The following GLP2R variants were observed in gnomAD, a reference collection of about 807,000 sequenced individuals.
The protein encoded by GLP2R is glucagon-like peptide 2 receptor.
In GLP2R, 59 loss-of-function variants were observed where a neutral mutation model predicts 68.2. That is an observed-to-expected ratio of 0.87 (90% CI 0.70 to 1.07). The LOEUF (loss-of-function observed/expected upper bound fraction) is 1.07, where lower values mean the gene tolerates loss of function less well. Among genes scored for constraint, GLP2R ranks in the 50% least tolerant of loss-of-function variants. The pLI, the probability that GLP2R is intolerant of heterozygous loss-of-function variation, is 0.00. For missense variants in GLP2R, 548 were observed against 677.4 expected (o/e 0.81, Z 2.12); for synonymous variants, 270 against 265.4 (o/e 1.02, Z -0.17).
chr17:9,876,526 C>G (rs1287194702), intron 10 of GLP2R, among the ~76,000 whole-genome samples: 1 of 152,188 alleles, frequency 6.6e-6, no homozygotes, highest in East Asian at 1.9e-4. Flanking sequence ...TGTACAGATT[C>G]TTGTGTCATT....
chr17:9,844,092 G>C (rs557760646), intron 4 of GLP2R, among the ~76,000 whole-genome samples: 9 of 152,288 alleles, frequency 5.9e-5, no homozygotes, highest in Non-Finnish European at 1.0e-4. Context: ...GAGAGCAAAA[G>C]GGAGAAACAC....
At chr17:9,881,377 C>CTTTTTTT in intron 11 of GLP2R, among the ~76,000 whole-genome samples, 1 of 97,954 alleles carries the variant, frequency 1.0e-5, no homozygotes, top group Non-Finnish European at 2.2e-5. Context: ...AGCTGTCAGG[C>CTTTTTTT]CTTTTTTTTT....
intron 3 of GLP2R, among the ~76,000 whole-genome samples, chr17:9,839,283 A>G (rs1339777539): frequency 6.6e-6 from 1 of 152,106 alleles, no homozygotes; most frequent in African/African-American, 2.4e-5. Context: ...GGGCAGAGAG[A>G]AGGAGAAAGA....
At chr17:9,826,355 A>C (rs1338501055) in intron 1 of GLP2R, 103 bp downstream of exon 1, 9 of 738,536 alleles carry the variant, frequency 1.2e-5, no homozygotes, top group Non-Finnish European at 1.9e-5. Context: ...AAGAGAAAAC[A>C]GTATTAAGAA....
intron 10 of GLP2R, among the ~76,000 whole-genome samples, chr17:9,872,328 G>A (rs1485001805): frequency 1.3e-5 from 2 of 152,154 alleles, no homozygotes; most frequent in Non-Finnish European, 2.9e-5. Context: ...TGTAATCCCA[G>A]TACTTTGGGA....
chr17:9,873,197 G>C (rs142633398), intron 10 of GLP2R, among the ~76,000 whole-genome samples: 23 of 152,296 alleles, frequency 1.5e-4, no homozygotes, highest in African/African-American at 5.5e-4. Context: ...AGGAAAACCA[G>C]GGTGCCCCAG....
At chr17:9,832,598 G>T (rs1268527255) in intron 1 of GLP2R, among the ~76,000 whole-genome samples, 1 of 152,092 alleles carries the variant, frequency 6.6e-6, no homozygotes, top group Admixed American at 6.5e-5. Context: ...GAGCATGGGG[G>T]CATGTGCCTG....
At chr17:9,854,434 TG>T in intron 4 of GLP2R, 60 bp from the exon 5 acceptor site, 1 of 981,140 alleles carries the variant, frequency 1.0e-6, no homozygotes, top group Non-Finnish European at 1.7e-6. Context: ...GGTGTGGAGC[TG>T]GGGGTTGTGG....
chr17:9,880,583 G>A, intron 11 of GLP2R, 67 bp downstream of exon 11: 3 of 1,135,972 alleles, frequency 2.6e-6, no homozygotes, highest in Non-Finnish European at 1.3e-6. Context: ...GCCGAAACAG[G>A]CTCAGAATTA....
At chr17:9,844,347 G>A (rs2066816369) in intron 4 of GLP2R, among the ~76,000 whole-genome samples, 1 of 152,168 alleles carries the variant, frequency 6.6e-6, no homozygotes, top group Admixed American at 6.5e-5. Flanking sequence ...CAACACATGA[G>A]TTAGTTATGG....
chr17:9,838,095 G>C (rs1267827092), intron 3 of GLP2R, among the ~76,000 whole-genome samples: 1 of 152,178 alleles, frequency 6.6e-6, no homozygotes, highest in Non-Finnish European at 1.5e-5. Context: ...ATTTTAGGGA[G>C]GGTGGAAGAG....
chr17:9,873,653 T>C (rs79705409), intron 10 of GLP2R, among the ~76,000 whole-genome samples: 30,154 of 143,404 alleles, frequency 0.21, 4,040 homozygotes, highest in Non-Finnish European at 0.3. Context: ...CCAACGGGGC[T>C]CAGGGAAGCC....
rs2066905285 is a variant in GLP2R at position 9,852,961 on chromosome 17, TAAG to T, written c.505-1533_505-1531del. 437 of 487,058 alleles carry T rather than the reference TAAG, an allele frequency of 9.0e-4. 4 individuals are homozygous for T. Among genetic ancestry groups the T allele is most frequent in the South Asian group, 8.1e-3 (427 of 53,036 alleles). The allele number at this position is 487,058 out of a possible 1,614,324, so 30.2% of individuals were successfully genotyped here. A position where few individuals can be genotyped will look rare whatever the true frequency, so the allele number is the denominator to read the frequency against. On this transcript the variant is annotated intron_variant, in intron 4 of 12. Transcript: ENST00000262441. The stretch of plus-strand genomic sequence containing the variant: ...TTCATCTTCTGACTCTGCATCTTCC[TAAG>T]TGCTGTCCACTAATAGGCATCTGCT...
chr17:9,833,763 T>G, intron 1 of GLP2R, 44 bp from the exon 2 acceptor site: 1 of 1,213,104 alleles, frequency 8.2e-7, no homozygotes, highest in Non-Finnish European at 1.2e-6. Flanking sequence ...CAAGGCCACA[T>G]CTGTGCTTGG....
rs16958920 is a variant in GLP2R at position 9,891,821 on chromosome 17, A to G, written c.*2116A>G. The stretch of plus-strand genomic sequence containing the variant: ...TCGGCTCATCAGCCAATTAGCTCCT[A>G]GAAAGCTGGGGTCATCTCGTATTCC... On this transcript the variant is annotated 3_prime_UTR_variant, in exon 13 of 13. Transcript: ENST00000262441. 0.026 allele frequency: 4,024 copies of G among 152,302 alleles called. 147 individuals are homozygous for G. Among genetic ancestry groups the G allele is most frequent in the East Asian group, 0.15 (795 of 5,170 alleles). The allele number at this position is 152,302 out of a possible 1,614,324, so 9.4% of individuals were successfully genotyped here.
chr17:9,861,827 G>A (rs367702933), intron 8 of GLP2R, among the ~76,000 whole-genome samples, 194 bp from the exon 9 acceptor site: 17 of 152,314 alleles, frequency 1.1e-4, no homozygotes, highest in African/African-American at 4.1e-4. Flanking sequence ...TAATGGTAAG[G>A]AAAGTAAACT....
At chr17:9,866,109 A>T (rs1035794336) in intron 9 of GLP2R, 19 of 333,824 alleles carry the variant, frequency 5.7e-5, no homozygotes, top group African/African-American at 3.9e-4. Flanking sequence ...CCCACCAGAC[A>T]TGGAAGGGAA....
At chr17:9,838,073 T>A (rs552422666) in intron 3 of GLP2R, among the ~76,000 whole-genome samples, 3 of 152,156 alleles carry the variant, frequency 2.0e-5, no homozygotes, top group African/African-American at 7.2e-5. Flanking sequence ...CCAAGAAGCA[T>A]GAGAATGTGA....
rs377284632 is a variant in GLP2R at position 9,869,584 on chromosome 17, C to A, written c.1057-1163C>A. Among the ~76,000 whole-genome samples, 76 of 152,370 alleles carry A rather than the reference C, an allele frequency of 5.0e-4. No homozygotes were observed. In the South Asian group the frequency reaches 5.6e-3, roughly 11 times the overall value. ...GGCTTGGCTGGGGCTGGAGGATCAG[C>A]TCCCAAGGTGGCGCACACACGTAGC... On this transcript the variant is annotated intron_variant, in intron 9 of 12. Transcript: ENST00000262441.
Sources: gnomAD v4.1 joint callset for allele counts (sites outside exome capture counted in the v4.1 genomes callset) on GRCh38, gnomAD v4.1.1 for gene constraint, MANE v1.5 for transcripts, NCBI Gene and HGNC (gene_info 2026-07-23, HGNC 2026-07-21) for gene names.